Variants in NEU3 observed in about 807,000 individuals in gnomAD.
The protein encoded by NEU3 is sialidase-3.
In NEU3, 10 loss-of-function variants were observed where a neutral mutation model predicts 11.4. The ratio of observed to expected loss-of-function variants is 0.88; its 90% confidence interval spans 0.54 to 1.49. NEU3 has a LOEUF of 1.49. NEU3 is among the 40% of genes most tolerant of loss of function. The pLI, the probability that NEU3 is intolerant of heterozygous loss-of-function variation, is 0.00. For synonymous variants in NEU3, 212 were observed against 228.2 expected (o/e 0.93, Z 0.64); for missense variants, 529 against 581.8 (o/e 0.91, Z 0.93).
In NEU3 at chr11:75,010,611, G is replaced by T. The variant is rs1233919512; in HGVS notation, c.*4119G>T. The T allele has an allele frequency of 6.6e-6, 1 of 152,200 alleles. No individual in the cohort carries two copies. The highest frequency in any genetic ancestry group is 1.9e-4 in the East Asian group (1 of 5,188). 9.4% of individuals were successfully genotyped at this position (152,200 alleles called of 1,614,324 possible). A position where few individuals can be genotyped will look rare whatever the true frequency, so the allele number is the denominator to read the frequency against. ...GCTTGGTTGTCCCTGGCTTTCCCAA[G>T]GATCACAGCCCAAAAGGCACAGTGG... is the stretch of plus-strand genomic sequence containing the variant. On this transcript the variant is annotated 3_prime_UTR_variant, in exon 3 of 3. Transcript: ENST00000294064.
At chr11:75,014,267 T>C (rs114964072), downstream of NEU3, among the ~76,000 whole-genome samples, 260 of 152,272 alleles carry the variant, frequency 1.7e-3, no homozygotes, top group African/African-American at 6.0e-3. Context: ...AAACAGAACT[T>C]GATAGCAGAT....
rs776965933 is a variant in NEU3, at chr11:75,006,114, A to C, written c.1008A>C (p.Ala336=). 2 of 1,613,894 alleles carry C rather than the reference A, an allele frequency of 1.2e-6. No individual in the cohort carries two copies. The highest frequency in any genetic ancestry group is 4.5e-5 in the East Asian group (2 of 44,892). The change falls in exon 3 of 3, where the codon GCA becomes GCC. Residue 336 remains alanine, a synonymous_variant. Transcript: ENST00000294064. The part of the protein sequence containing the change: ...HRCQDSSSKD[A]PTIQQSSPGS... ...GCCAGGACTCTAGCAGCAAAGATGC[A>C]CCCACCATTCAGCAGAGCTCTCCAG...
rs759885061 is a variant in NEU3, at chr11:75,006,470, C to G, written c.1364C>G (p.Pro455Arg). The stretch of plus-strand genomic sequence containing the variant: ...GACTGCACCAGCCCTGGTAGGAACC[C>G]AAGCCAATTCAAAAGCAATTAATTG... The part of the protein sequence containing the change: ...QGDCTSPGRN[P>R]SQFKSN Residue 455 changes from proline (P) to arginine (R), a missense_variant, in exon 3 of 3, where the codon CCA (proline) becomes CGA (arginine). By Grantham distance (103) the Pro-to-Arg change is moderately radical (BLOSUM62 -2). Coordinates refer to ENST00000294064, the MANE Select transcript of NEU3 (RefSeq NM_006656.6). The G allele has an allele frequency of 7.7e-5, 124 of 1,610,508 alleles. No individual in the cohort carries two copies. Among genetic ancestry groups the G allele is most frequent in the Non-Finnish European group, 1.0e-4 (121 of 1,178,000 alleles).
rs190002386 is a variant in NEU3 at position 74,998,386 on chromosome 11, G to T, written c.306+3666G>T. Among the ~76,000 whole-genome samples the T allele has an allele frequency of 2.2e-3, 341 of 152,300 alleles. 3 individuals are homozygous for T. Among genetic ancestry groups the T allele is most frequent in the Middle Eastern group, 6.8e-3 (2 of 294 alleles). On this transcript the variant is annotated intron_variant, in intron 2 of 2. Coordinates refer to ENST00000294064, the MANE Select transcript of NEU3 (RefSeq NM_006656.6). ...TTTGTGGCAATATCTGACAAATGCAGTAGAGCAAAGTGCAATAAAATCACA... is the reference window on the plus strand; with the variant it reads ...TTTGTGGCAATATCTGACAAATGCATTAGAGCAAAGTGCAATAAAATCACA...
chr11:74,986,303 T>C (rs1478013278), upstream of NEU3, among the ~76,000 whole-genome samples: 1 of 152,248 alleles, frequency 6.6e-6, no homozygotes, highest in Non-Finnish European at 1.5e-5. Flanking sequence ...ACACATCTAA[T>C]ACAGGTAGTG....
At chr11:74,995,017 G>A (rs1948774902) in intron 2 of NEU3, 1 of 582,056 alleles carries the variant, frequency 1.7e-6, no homozygotes, top group Non-Finnish European at 3.1e-6. Flanking sequence ...TAATAAAGCA[G>A]TAGAAGCTGG....
upstream of NEU3, among the ~76,000 whole-genome samples, chr11:74,983,382 A>C (rs1264136154): frequency 3.9e-5 from 6 of 152,344 alleles, no homozygotes; most frequent in East Asian, 1.2e-3. Flanking sequence ...AAATAAAAGC[A>C]CAGGTTTAGT....
intron 1 of NEU3, among the ~76,000 whole-genome samples, chr11:74,989,400 C>T (rs549968592): frequency 6.6e-6 from 1 of 152,302 alleles, no homozygotes; most frequent in East Asian, 1.9e-4. Flanking sequence ...ACTGGAAAAG[C>T]CCTGCTTACC....
intron 2 of NEU3, among the ~76,000 whole-genome samples, chr11:75,003,905 G>A (rs1280458615): frequency 6.6e-6 from 1 of 151,936 alleles, no homozygotes; most frequent in Non-Finnish European, 1.5e-5. Context: ...AAAAAATTAT[G>A]GAAATCTTTC....
Position 75,006,104 on chromosome 11 carries a change from G to A in NEU3, c.998G>A (p.Ser333Asn). Residue 333 changes from serine to asparagine, a missense_variant, in exon 3 of 3, where the codon AGC (serine) becomes AAC (asparagine). Transcript: ENST00000294064. ...EIPHRCQDSS[S>N]KDAPTIQQSS... ...CCACATAGGTGCCAGGACTCTAGCAGCAAAGATGCACCCACCATTCAGCAG... is the reference window on the plus strand; with the variant it reads ...CCACATAGGTGCCAGGACTCTAGCAACAAAGATGCACCCACCATTCAGCAG... 6.2e-7 allele frequency: 1 copy of A among 1,614,002 alleles called. No homozygotes were observed. Among genetic ancestry groups the A allele is most frequent in the African/African-American group, 1.3e-5 (1 of 75,036 alleles).
chr11:75,020,070 T>C (rs965924520), downstream of NEU3, among the ~76,000 whole-genome samples: 2 of 152,186 alleles, frequency 1.3e-5, no homozygotes, highest in Non-Finnish European at 1.5e-5. Flanking sequence ...GGAGATTATT[T>C]TGGAGCATTA....
chr11:75,000,496 G>A (rs2140244704), intron 2 of NEU3, among the ~76,000 whole-genome samples: 1 of 152,172 alleles, frequency 6.6e-6, no homozygotes, highest in African/African-American at 2.4e-5. Context: ...TTGTCTTTTT[G>A]TGATGGCTTA....
At chr11:74,982,969 CTT>C in the NEU3 span, among the ~76,000 whole-genome samples, 8 of 152,220 alleles carry the variant, frequency 5.3e-5, no homozygotes, top group South Asian at 1.7e-3. Flanking sequence ...ACATACCTAT[CTT>C]AAACTGCTTG....
Position 75,005,963 on chromosome 11 carries a change from A to G in NEU3, c.857A>G (p.Glu286Gly), listed in dbSNP as rs1043777997. Residue 286 changes from glutamate (E) to glycine (G), a missense_variant, in exon 3 of 3, where the codon GAG becomes GGG. Physicochemically the swap from Glu to Gly is moderately conservative, Grantham distance 98. Transcript: ENST00000294064. ...SARTPNRCRA[E>G]ALSTDHGEGF... Reference sequence around the variant, plus strand: ...CGGACACCAAACAGGTGCCGGGCAGAGGCGCTCAGCACTGACCATGGTGAA... The same window carrying G: ...CGGACACCAAACAGGTGCCGGGCAGGGGCGCTCAGCACTGACCATGGTGAA... 10 of 1,613,766 alleles carry G rather than the reference A, an allele frequency of 6.2e-6. No homozygotes were observed. Among genetic ancestry groups the G allele is most frequent in the Non-Finnish European group, 6.8e-6 (8 of 1,179,900 alleles).
chr11:75,005,437 G>A lies in NEU3; in HGVS notation c.331G>A (p.Glu111Lys). 1.2e-6 allele frequency: 2 copies of A among 1,611,970 alleles called. No homozygotes were observed. Among genetic ancestry groups the A allele is most frequent in the Non-Finnish European group, 1.7e-6 (2 of 1,178,616 alleles). Residue 111 changes from glutamate to lysine, a missense_variant, in exon 3 of 3, where the codon GAA (glutamate) becomes AAA (lysine). Physicochemically the swap from Glu to Lys is moderately conservative, Grantham distance 56. Transcript: ENST00000294064. ...VQWGPLKPLM[E>K]ATLPGHRTMN... The stretch of plus-strand genomic sequence containing the variant: ...GTGGGGGCCCCTGAAGCCACTGATG[G>A]AAGCCACACTACCGGGGCATCGGAC...
intron 1 of NEU3, among the ~76,000 whole-genome samples, chr11:74,993,450 C>T (rs914701537): frequency 2.6e-5 from 4 of 152,150 alleles, no homozygotes; most frequent in African/African-American, 9.7e-5. Flanking sequence ...GTGATCCGCC[C>T]ACCTTGGCCT....
intron 2 of NEU3, among the ~76,000 whole-genome samples, chr11:75,000,517 A>G (rs993211941): frequency 6.6e-5 from 10 of 152,164 alleles, no homozygotes. Flanking sequence ...TTTCACTTAT[A>G]TAATGTCCTC....
At chr11:74,980,529 A>G in the NEU3 span, among the ~76,000 whole-genome samples, 2 of 152,050 alleles carry the variant, frequency 1.3e-5, no homozygotes, top group Middle Eastern at 3.2e-3. Context: ...CCTTTTCTCC[A>G]TGGTGGAAGT....
At position 75,010,279 on chromosome 11, in the gene NEU3, AT is replaced by A. The variant is rs1356881210; in HGVS notation, c.*3789del. The A allele has an allele frequency of 2.0e-5, 3 of 152,188 alleles. No homozygotes were observed. Among genetic ancestry groups the A allele is most frequent in the Non-Finnish European group, 4.4e-5 (3 of 68,038 alleles). The allele number at this position is 152,188 out of a possible 1,614,324, so 9.4% of individuals were successfully genotyped here. A position where few individuals can be genotyped will look rare whatever the true frequency, so the allele number is the denominator to read the frequency against. On this transcript the variant is annotated 3_prime_UTR_variant, in exon 3 of 3. Coordinates refer to ENST00000294064, the MANE Select transcript of NEU3 (RefSeq NM_006656.6). ...TAAGCTTTTTTCTGTCATATTCTGAATTCCCTGAAGGTAAGGACTATGTCTG... is the reference window on the plus strand; with the variant it reads ...TAAGCTTTTTTCTGTCATATTCTGAATCCCTGAAGGTAAGGACTATGTCTG...
Sources: gnomAD v4.1 joint callset for allele counts (sites outside exome capture counted in the v4.1 genomes callset) on GRCh38, gnomAD v4.1.1 for gene constraint, MANE v1.5 for transcripts, NCBI Gene and HGNC (gene_info 2026-07-23, HGNC 2026-07-21) for gene names.